LOC128706666: variants seen among roughly 807,000 people sequenced by gnomAD.
At chr20:10,427,851 T>C in the LOC128706666 span, among the ~76,000 whole-genome samples, 1 of 152,234 alleles carries the variant, frequency 6.6e-6, no homozygotes, top group East Asian at 1.9e-4. Context: ...AAGTTTCCAT[T>C]CTGCAAATCC....
chr20:10,431,790 C>T, the LOC128706666 span: 4 of 152,288 alleles, frequency 2.6e-5, no homozygotes, highest in East Asian at 5.8e-4. Context: ...ATTCCTAGTG[C>T]GTAGCAGAAA....
the LOC128706666 span, among the ~76,000 whole-genome samples, chr20:10,433,149 G>A: frequency 3.3e-5 from 5 of 152,230 alleles, no homozygotes; most frequent in Admixed American, 2.6e-4. Context: ...GATTACAGGC[G>A]TGCGCCACTG....
the LOC128706666 span, chr20:10,434,127 C>T: frequency 6.6e-6 from 1 of 152,200 alleles, no homozygotes; most frequent in East Asian, 1.9e-4. Context: ...AGCCGTCGCG[C>T]CGCCCCAGGC....
the LOC128706666 span, among the ~76,000 whole-genome samples, chr20:10,426,428 G>A: frequency 6.6e-6 from 1 of 152,122 alleles, no homozygotes; most frequent in African/African-American, 2.4e-5. Flanking sequence ...CTTTTTTTGG[G>A]ACAGTCTCAC....
chr20:10,430,040 A>AAAAAAAC, the LOC128706666 span, among the ~76,000 whole-genome samples: 2 of 151,946 alleles, frequency 1.3e-5, no homozygotes, highest in African/African-American at 4.8e-5. Context: ...ACAAAAAACA[A>AAAAAAAC]AAAAACAAAA....
At chr20:10,429,582 C>T in the LOC128706666 span, among the ~76,000 whole-genome samples, 14 of 152,328 alleles carry the variant, frequency 9.2e-5, no homozygotes, top group South Asian at 2.7e-3. Flanking sequence ...ACCTGGATTT[C>T]CTGTTTCGTT....
the LOC128706666 span, among the ~76,000 whole-genome samples, chr20:10,417,565 A>G: frequency 6.6e-6 from 1 of 152,140 alleles, no homozygotes; most frequent in African/African-American, 2.4e-5. Flanking sequence ...GAGCTATGAT[A>G]TGTTACTGCA....
chr20:10,425,077 A>T, the LOC128706666 span, among the ~76,000 whole-genome samples: 1 of 151,404 alleles, frequency 6.6e-6, no homozygotes, highest in African/African-American at 2.4e-5. Flanking sequence ...GAAAGAAAGA[A>T]AATTAGCATT....
the LOC128706666 span, among the ~76,000 whole-genome samples, chr20:10,428,813 C>A: frequency 6.6e-6 from 1 of 151,342 alleles, no homozygotes; most frequent in African/African-American, 2.4e-5. Context: ...CATTGCACTC[C>A]AGCCTAGGTG....
the LOC128706666 span, among the ~76,000 whole-genome samples, chr20:10,415,762 T>C: frequency 1.3e-4 from 20 of 152,342 alleles, no homozygotes; most frequent in Middle Eastern, 0.014. Context: ...CAATACTTAA[T>C]AGTGTCATGT....
chr20:10,421,471 C>T, the LOC128706666 span, among the ~76,000 whole-genome samples: 2,079 of 149,894 alleles, frequency 0.014, 40 homozygotes, highest in African/African-American at 0.046. Flanking sequence ...AAGAATCAAA[C>T]GGTAATCCAC....
the LOC128706666 span, chr20:10,433,960 G>A: frequency 6.6e-6 from 1 of 152,296 alleles, no homozygotes; most frequent in Non-Finnish European, 1.5e-5. Flanking sequence ...CAGAGAGCCA[G>A]CCTCCTCCTT....
At chr20:10,429,353 T>C in the LOC128706666 span, among the ~76,000 whole-genome samples, 1 of 152,312 alleles carries the variant, frequency 6.6e-6, no homozygotes, top group Admixed American at 6.5e-5. Flanking sequence ...TTCATCCTTA[T>C]CAAAGATCTG....
chr20:10,432,914 G>C, the LOC128706666 span, among the ~76,000 whole-genome samples: 5 of 151,742 alleles, frequency 3.3e-5, no homozygotes, highest in African/African-American at 1.2e-4. Flanking sequence ...TGCTATGTAA[G>C]TAGTTGTTAC....
chr20:10,429,579 T>A, the LOC128706666 span, among the ~76,000 whole-genome samples: 6 of 152,210 alleles, frequency 3.9e-5, no homozygotes, highest in African/African-American at 7.2e-5. Flanking sequence ...TCCACCTGGA[T>A]TTCCTGTTTC....
At chr20:10,433,362 A>G in the LOC128706666 span, among the ~76,000 whole-genome samples, 2 of 152,236 alleles carry the variant, frequency 1.3e-5, no homozygotes, top group African/African-American at 4.8e-5. Context: ...ACTCATGGAT[A>G]GGGAGCGTAT....
At chr20:10,419,922 C>G in the LOC128706666 span, among the ~76,000 whole-genome samples, 1 of 152,292 alleles carries the variant, frequency 6.6e-6, no homozygotes, top group African/African-American at 2.4e-5. Flanking sequence ...GAAAGCCAAA[C>G]TGCGGATAAA....
the LOC128706666 span, among the ~76,000 whole-genome samples, chr20:10,427,072 A>G: frequency 3.7e-5 from 5 of 136,818 alleles, no homozygotes; most frequent in African/African-American, 1.0e-4. Context: ...ACACACACAC[A>G]CACACACAAA....
chr20:10,423,699 A>C, the LOC128706666 span, among the ~76,000 whole-genome samples: 1 of 152,332 alleles, frequency 6.6e-6, no homozygotes, highest in African/African-American at 2.4e-5. Flanking sequence ...AAGATAAAAG[A>C]AATGCTCAAT....
Sources: gnomAD v4.1 joint callset for allele counts (sites outside exome capture counted in the v4.1 genomes callset) on GRCh38, gnomAD v4.1.1 for gene constraint, MANE v1.5 for transcripts.